The following RASAL2 variants were observed in gnomAD, a reference collection of about 807,000 sequenced individuals.
The protein encoded by RASAL2 is ras GTPase-activating protein nGAP.
A neutral mutation model predicts 128.9 loss-of-function variants in RASAL2; 58 were observed. That is an observed-to-expected ratio of 0.45 (90% CI 0.36 to 0.56). RASAL2 has a LOEUF of 0.56. Ranked by LOEUF, RASAL2 falls within the 20% of genes least tolerant of loss-of-function variation. The probability of loss-of-function intolerance (pLI) is 0.00; values close to 1 mark genes in which losing one functional copy is unlikely to be tolerated. For missense variants in RASAL2, 1,360 were observed against 1,601.6 expected, an observed-to-expected ratio of 0.85 and a Z score of 2.57; for synonymous variants, 561 against 580.8, an observed-to-expected ratio of 0.97 and a Z score of 0.49.
At chr1:178,292,281 G>A (rs996336731) in intron 2 of RASAL2, among the ~76,000 whole-genome samples, 6 of 152,162 alleles carry the variant, frequency 3.9e-5, no homozygotes, top group African/African-American at 1.2e-4. Context: ...TGGAATGTGG[G>A]AGGATTATAT....
intron 3 of RASAL2, among the ~76,000 whole-genome samples, chr1:178,375,062 A>C (rs913800899): frequency 6.6e-6 from 1 of 152,128 alleles, no homozygotes; most frequent in African/African-American, 2.4e-5. Flanking sequence ...CCTAATTGTA[A>C]AATTATCCAG....
At position 178,191,229 on chromosome 1, in the gene RASAL2, T is replaced by C. The variant is rs569535262; in HGVS notation, c.203-92335T>C. On this transcript the variant is annotated intron_variant, in intron 1 of 17. Coordinates refer to ENST00000367649, the MANE Select transcript of RASAL2 (RefSeq NM_170692.4). ...CTTAAAAGTGGGAACAACTTTAGAG[T>C]TACAGGCAGAATTAGACGCAGTTAA... 5.3e-5 allele frequency among the ~76,000 whole-genome samples: 8 copies of C among 152,162 alleles called. No individual in the cohort carries two copies. In the South Asian group the frequency reaches 1.7e-3, roughly 32 times the overall value.
At chr1:178,359,334 T>C (rs963418967) in intron 3 of RASAL2, among the ~76,000 whole-genome samples, 5 of 152,218 alleles carry the variant, frequency 3.3e-5, no homozygotes, top group African/African-American at 1.2e-4. Context: ...TTTAATCTCT[T>C]AATACAGTGT....
chr1:178,304,616 C>G (rs936358963), intron 3 of RASAL2, among the ~76,000 whole-genome samples: 8 of 152,134 alleles, frequency 5.3e-5, no homozygotes, highest in Non-Finnish European at 1.2e-4. Flanking sequence ...TATGTGGCAG[C>G]AGAAGCCCTA....
chr1:178,304,314 A>G (rs1201010267), intron 3 of RASAL2, among the ~76,000 whole-genome samples: 1 of 152,110 alleles, frequency 6.6e-6, no homozygotes, highest in Admixed American at 6.5e-5. Context: ...ACTTATGTCT[A>G]GGAGTATGAG....
chr1:178,180,406 C>T (rs12735081), intron 1 of RASAL2, among the ~76,000 whole-genome samples: 1,538 of 146,476 alleles, frequency 0.011, 10 homozygotes, highest in Non-Finnish European at 0.018. Context: ...CACTTTGAGA[C>T]GCCAAGGCAG....
chr1:178,332,815 C>T (rs541316238), intron 3 of RASAL2, among the ~76,000 whole-genome samples: 79 of 151,448 alleles, frequency 5.2e-4, no homozygotes, highest in African/African-American at 1.8e-3. Flanking sequence ...GGGGTTTCAC[C>T]GTGGTCTCGA....
intron 3 of RASAL2, among the ~76,000 whole-genome samples, chr1:178,306,856 G>T (rs1323818286): frequency 8.5e-6 from 1 of 117,982 alleles, no homozygotes; most frequent in East Asian, 3.0e-4. Context: ...ACACTCTGGG[G>T]ACTGTTGTGG....
chr1:178,404,534 C>G (rs938643667), intron 4 of RASAL2, among the ~76,000 whole-genome samples: 2 of 151,928 alleles, frequency 1.3e-5, no homozygotes, highest in African/African-American at 4.8e-5. Context: ...GCCCGTACCA[C>G]CACGCCCAGA....
Position 178,452,479 on chromosome 1 carries a change from C to G in RASAL2, c.1836C>G (p.Gly612=). Residue 612 remains glycine, a synonymous_variant, in exon 11 of 18, where the codon GGC becomes GGG. Transcript: ENST00000367649. Reference sequence around the variant, plus strand: ...GGAAGCAGCAGTGCCTGAACCGTGGCAAGCAAGACATCAGCGAGAGGCTCA... The same window carrying G: ...GGAAGCAGCAGTGCCTGAACCGTGGGAAGCAAGACATCAGCGAGAGGCTCA... The part of the protein sequence containing the change: ...ASWKQQCLNR[G]KQDISERLIS... 2 of 1,614,074 alleles carry G rather than the reference C, an allele frequency of 1.2e-6. No homozygotes were observed. Among genetic ancestry groups the G allele is most frequent in the Non-Finnish European group, 1.7e-6 (2 of 1,179,978 alleles).
intron 1 of RASAL2, among the ~76,000 whole-genome samples, chr1:178,236,211 A>G (rs547986400): frequency 3.8e-4 from 58 of 152,280 alleles, no homozygotes; most frequent in African/African-American, 1.3e-3. Context: ...TCAGCTATAA[A>G]GTTGTTGGTT....
At chr1:178,457,585 A>G (rs1677864235) in intron 13 of RASAL2, 98 bp from the exon 14 acceptor site, 21 of 1,275,532 alleles carry the variant, frequency 1.6e-5, no homozygotes, top group Non-Finnish European at 2.3e-5. Context: ...ACGTATCCAC[A>G]TAAGAACCTT....
chr1:178,120,239 A>G (rs1027306252), intron 1 of RASAL2, among the ~76,000 whole-genome samples: 1 of 152,110 alleles, frequency 6.6e-6, no homozygotes, highest in African/African-American at 2.4e-5. Flanking sequence ...GTTGCAATGA[A>G]CTCATAATTT....
intron 1 of RASAL2, among the ~76,000 whole-genome samples, chr1:178,159,839 A>C (rs1330697497): frequency 6.6e-6 from 1 of 151,784 alleles, no homozygotes; most frequent in Non-Finnish European, 1.5e-5. Context: ...CCAGAGGCGG[A>C]GGTTGCAGTG....
In RASAL2 at chr1:178,346,264, T is replaced by A. The variant is rs139249743; in HGVS notation, c.458-43836T>A. ...AGAAAATTTAAAAATCAGCCAGGCA[T>A]CGTGGCATGCACCTCTAGTCCCAGC... On this transcript the variant is annotated intron_variant, in intron 3 of 17. Transcript: ENST00000367649. Among the ~76,000 whole-genome samples the A allele has an allele frequency of 4.1e-4, 62 of 152,082 alleles. No homozygotes were observed. The East Asian group carries it at 0.012, about 28-fold the overall frequency.
intron 3 of RASAL2, among the ~76,000 whole-genome samples, chr1:178,340,422 A>G (rs931897878): frequency 6.6e-6 from 1 of 152,166 alleles, no homozygotes; most frequent in African/African-American, 2.4e-5. Context: ...TGAAGATTAC[A>G]TAGTTGACTT....
At chr1:178,102,349 C>G (rs193106853) in intron 1 of RASAL2, among the ~76,000 whole-genome samples, 43 of 151,940 alleles carry the variant, frequency 2.8e-4, no homozygotes, top group African/African-American at 1.0e-3. Flanking sequence ...GAGACGGGGT[C>G]TCATTCTGTT....
At chr1:178,298,098 C>T (rs1667599746) in intron 2 of RASAL2, among the ~76,000 whole-genome samples, 1 of 152,114 alleles carries the variant, frequency 6.6e-6, no homozygotes, top group Non-Finnish European at 1.5e-5. Context: ...AATTTACTGT[C>T]ATTCTTCCCA....
intron 1 of RASAL2, among the ~76,000 whole-genome samples, chr1:178,260,776 G>T (rs1472123011): frequency 6.6e-6 from 1 of 151,990 alleles, no homozygotes; most frequent in Non-Finnish European, 1.5e-5. Flanking sequence ...ACTGACTGAT[G>T]CTAATGGTGC....
Sources: allele counts gnomAD v4.1 joint callset (sites outside exome capture counted in the v4.1 genomes callset), GRCh38; gene constraint gnomAD v4.1.1; transcripts MANE v1.5; gene names NCBI Gene and HGNC (gene_info 2026-07-23, HGNC 2026-07-21).